KIF15: variants seen among roughly 807,000 people sequenced by gnomAD.
KIF15 encodes the protein kinesin-like protein KIF15.
Under a neutral mutation model 190.6 loss-of-function variants are expected in KIF15, and 140 were observed. The observed-to-expected ratio is 0.73, with a 90% CI of 0.64 to 0.84. The LOEUF is 0.84. Ranked by LOEUF, KIF15 falls within the 40% of genes least tolerant of loss-of-function variation. The pLI is 0.00. For missense variants in KIF15, 1,372 were observed against 1,584.4 expected (o/e 0.87, Z 2.28); for synonymous variants, 528 against 551.3 (o/e 0.96, Z 0.59).
At chr3:44,841,446 G>A (rs1216232658) in intron 29 of KIF15, among the ~76,000 whole-genome samples, 1 of 150,304 alleles carries the variant, frequency 6.7e-6, no homozygotes, top group South Asian at 2.1e-4. Context: ...CGCCCAGGGT[G>A]GAGTGCAGTG....
intron 5 of KIF15, among the ~76,000 whole-genome samples, chr3:44,781,187 AT>A (rs1408088357): frequency 1.3e-5 from 2 of 152,200 alleles, no homozygotes; most frequent in East Asian, 3.8e-4. Context: ...GAATTCGTAT[AT>A]GTTTATACAC....
chr3:44,829,735 T>TATTATAGATG, intron 24 of KIF15, among the ~76,000 whole-genome samples: 1 of 138,430 alleles, frequency 7.2e-6, no homozygotes, highest in Non-Finnish European at 1.5e-5. Flanking sequence ...GATGTATATA[T>TATTATAGATG]TATATATGTA....
chr3:44,858,379 T>C (rs1250285548), intron 6 of KIF15, among the ~76,000 whole-genome samples: 1 of 152,214 alleles, frequency 6.6e-6, no homozygotes, highest in Non-Finnish European at 1.5e-5. Flanking sequence ...AGGCGAGTGA[T>C]AACAGGCTTT....
intron 30 of KIF15, among the ~76,000 whole-genome samples, chr3:44,846,285 T>G (rs560859580): frequency 6.6e-6 from 1 of 152,326 alleles, no homozygotes; most frequent in Non-Finnish European, 1.5e-5. Flanking sequence ...TAGACAATAC[T>G]CAGGTGTATG....
chr3:44,825,047 A>T (rs1220251249), intron 20 of KIF15, among the ~76,000 whole-genome samples: 1 of 152,226 alleles, frequency 6.6e-6, no homozygotes, highest in Non-Finnish European at 1.5e-5. Flanking sequence ...GGCATGAGCC[A>T]CTGTGCCCAG....
At chr3:44,854,915 T>A (rs1362849144), downstream of KIF15, among the ~76,000 whole-genome samples, 1 of 152,218 alleles carries the variant, frequency 6.6e-6, no homozygotes, top group African/African-American at 2.4e-5. Flanking sequence ...ATAACTATAA[T>A]GACCCTATTT....
intron 26 of KIF15, among the ~76,000 whole-genome samples, chr3:44,838,053 T>C (rs1277594966): frequency 2.0e-5 from 3 of 152,182 alleles, no homozygotes; most frequent in East Asian, 3.8e-4. Context: ...TAAACCTCAA[T>C]TGGGATACCT....
intron 20 of KIF15, 82 bp from the exon 21 acceptor site, chr3:44,825,957 A>T (rs1697613946): frequency 7.9e-7 from 1 of 1,262,098 alleles, no homozygotes; most frequent in African/African-American, 1.5e-5. Context: ...TGTAGATGAG[A>T]TAAATTGAAC....
At chr3:44,767,317 C>T (rs1007245319) in intron 1 of KIF15, among the ~76,000 whole-genome samples, 25 of 152,298 alleles carry the variant, frequency 1.6e-4, no homozygotes, top group African/African-American at 5.8e-4. Context: ...CTTGGTTCTA[C>T]ACTGTGGCAG....
chr3:44,817,639 T>A (rs1708086713), intron 20 of KIF15, among the ~76,000 whole-genome samples: 1 of 152,252 alleles, frequency 6.6e-6, no homozygotes, highest in South Asian at 2.1e-4. Flanking sequence ...TTTTGGTTAC[T>A]GTAGCCTTGT....
At chr3:44,786,717 A>G (rs1706424749) in intron 7 of KIF15, 143 bp downstream of exon 7, 1 of 591,430 alleles carries the variant, frequency 1.7e-6, no homozygotes, top group Admixed American at 3.7e-5. Context: ...TAAAGATAAA[A>G]TAATATGGCA....
chr3:44,785,444 A>C lies in KIF15; in HGVS notation c.459+502A>C, dbSNP rs374812682. Reference sequence around the variant, plus strand: ...TGTGCTCCACATGTGGTATGGCTCCATCACCCTGGGGATATGGTCTTTCCT... The same window carrying C: ...TGTGCTCCACATGTGGTATGGCTCCCTCACCCTGGGGATATGGTCTTTCCT... On this transcript the variant is annotated intron_variant, in intron 6 of 34. Transcript: ENST00000326047. 1.4e-4 allele frequency among the ~76,000 whole-genome samples: 22 copies of C among 152,300 alleles called. No homozygotes were observed. In the South Asian group the frequency reaches 4.4e-3, roughly 30 times the overall value.
intron 26 of KIF15, among the ~76,000 whole-genome samples, chr3:44,832,214 C>T (rs1277181546): frequency 6.6e-6 from 1 of 152,100 alleles, no homozygotes; most frequent in African/African-American, 2.4e-5. Flanking sequence ...TGTGGAGTGT[C>T]CCAAGCACAG....
At position 44,840,336 on chromosome 3, in the gene KIF15, A is replaced by G. The variant is rs148755027; in HGVS notation, c.3319-19A>G. On this transcript the variant is annotated intron_variant, in intron 27 of 34. Coordinates refer to ENST00000326047, the MANE Select transcript of KIF15 (RefSeq NM_020242.3). ...CCATATTACTAAGTTGTAACCTTGT[A>G]TCTGTTCAATTTTCCCAGCTAAACC... 9.6e-6 allele frequency: 14 copies of G among 1,459,106 alleles called. No homozygotes were observed. In the East Asian group the frequency reaches 3.2e-4, roughly 33 times the overall value. The allele number at this position is 1,459,106 out of a possible 1,614,324, so 90.4% of individuals were successfully genotyped here. A position where few individuals can be genotyped will look rare whatever the true frequency, so the allele number is the denominator to read the frequency against.
chr3:44,801,705 C>T (rs748117500), intron 12 of KIF15, 60 bp from the exon 13 acceptor site: 20 of 1,177,088 alleles, frequency 1.7e-5, no homozygotes, highest in East Asian at 2.4e-5. Flanking sequence ...GCTGGACTTA[C>T]GAAAATTTAG....
intron 30 of KIF15, among the ~76,000 whole-genome samples, chr3:44,845,428 C>T (rs1698801413): frequency 6.6e-6 from 1 of 151,752 alleles, no homozygotes; most frequent in South Asian, 2.1e-4. Flanking sequence ...GTGGGAACTA[C>T]AACGATTTTG....
At chr3:44,848,936 A>G (rs948980357) in intron 32 of KIF15, among the ~76,000 whole-genome samples, 1 of 152,218 alleles carries the variant, frequency 6.6e-6, no homozygotes, top group African/African-American at 2.4e-5. Context: ...CTTCTGGTCT[A>G]GCCCTTGGGT....
intron 26 of KIF15, among the ~76,000 whole-genome samples, chr3:44,835,767 G>T (rs966497362): frequency 1.3e-5 from 2 of 152,204 alleles, no homozygotes; most frequent in African/African-American, 2.4e-5. Context: ...GGTAAAGGAA[G>T]TATTTCTCAA....
chr3:44,820,114 C>G (rs564954779), intron 20 of KIF15, among the ~76,000 whole-genome samples: 18 of 152,178 alleles, frequency 1.2e-4, no homozygotes, highest in African/African-American at 4.3e-4. Flanking sequence ...CTTCCTCCAT[C>G]CCTTTATTTT....
Sources: gnomAD v4.1 joint callset for allele counts (sites outside exome capture counted in the v4.1 genomes callset) on GRCh38, gnomAD v4.1.1 for gene constraint, MANE v1.5 for transcripts, NCBI Gene and HGNC (gene_info 2026-07-23, HGNC 2026-07-21) for gene names.